Variants in TBXAS1 observed in about 807,000 individuals in gnomAD.
TBXAS1 encodes the protein thromboxane-A synthase.
A neutral mutation model predicts 60.7 loss-of-function variants in TBXAS1; 48 were observed. The ratio of observed to expected loss-of-function variants is 0.79; its 90% CI spans 0.63 to 1.01. TBXAS1 has a LOEUF of 1.01. TBXAS1 is among the 50% of genes least tolerant of loss of function. TBXAS1 has a pLI of 0.00. For synonymous variants in TBXAS1, 287 were observed against 269.7 expected (o/e 1.06, Z -0.63); for missense variants, 685 against 686.3 (o/e 1.00, Z 0.02).
chr7:139,977,472 T>C (rs1175519854), intron 9 of TBXAS1, among the ~76,000 whole-genome samples: 1 of 152,056 alleles, frequency 6.6e-6, no homozygotes, highest in Non-Finnish European at 1.5e-5. Flanking sequence ...AAGGGAATTG[T>C]GGGAGTTAAA....
chr7:139,799,071 ACTG>A (rs1415397155), intron 4 of TBXAS1, among the ~76,000 whole-genome samples: 3 of 120,978 alleles, frequency 2.5e-5, no homozygotes, highest in Non-Finnish European at 4.9e-5. Flanking sequence ...ACTTCCATAC[ACTG>A]CTTTTTTTTT....
At chr7:139,838,138 G>A (rs1799188515) in intron 1 of TBXAS1, among the ~76,000 whole-genome samples, 1 of 152,158 alleles carries the variant, frequency 6.6e-6, no homozygotes, top group South Asian at 2.1e-4. Flanking sequence ...GAATTCAGCA[G>A]TTTCTTTTAT....
At chr7:139,877,214 C>T (rs560734346) in intron 3 of TBXAS1, among the ~76,000 whole-genome samples, 33 of 152,248 alleles carry the variant, frequency 2.2e-4, no homozygotes, top group African/African-American at 3.6e-4. Context: ...GGAGGCAAGG[C>T]GTGTCTTTAA....
chr7:139,832,084 G>C (rs909452552), intron 1 of TBXAS1, among the ~76,000 whole-genome samples: 1 of 152,102 alleles, frequency 6.6e-6, no homozygotes, highest in Non-Finnish European at 1.5e-5. Flanking sequence ...GAATAAATCA[G>C]CAATTCTGAG....
At chr7:139,913,087 C>G (rs1446360341) in intron 4 of TBXAS1, 15 of 702,116 alleles carry the variant, frequency 2.1e-5, no homozygotes, top group Non-Finnish European at 3.9e-5. Flanking sequence ...ATGCCCAACT[C>G]CAGACATCAC....
At chr7:139,893,273 A>AT (rs1190615717) in intron 3 of TBXAS1, among the ~76,000 whole-genome samples, 2 of 149,304 alleles carry the variant, frequency 1.3e-5, no homozygotes, top group Non-Finnish European at 3.0e-5. Context: ...GGGAGAGATG[A>AT]TTTTGCCATG....
chr7:139,793,260 T>A (rs1004543362), intron 4 of TBXAS1, among the ~76,000 whole-genome samples: 6 of 151,754 alleles, frequency 4.0e-5, no homozygotes, highest in African/African-American at 1.5e-4. Flanking sequence ...CTACTAAAAG[T>A]ACAAAAAAAT....
chr7:139,801,705 A>G (rs1385453909), intron 4 of TBXAS1, among the ~76,000 whole-genome samples: 3 of 152,134 alleles, frequency 2.0e-5, no homozygotes, highest in Non-Finnish European at 4.4e-5. Flanking sequence ...TGATTGAATT[A>G]TCTTCCATTG....
chr7:139,900,365 G>A (rs1009003238), intron 3 of TBXAS1, among the ~76,000 whole-genome samples: 6 of 152,094 alleles, frequency 3.9e-5, no homozygotes, highest in Non-Finnish European at 2.9e-5. Flanking sequence ...GGATGAACCC[G>A]GATCCCACCT....
intron 5 of TBXAS1, among the ~76,000 whole-genome samples, chr7:139,950,514 C>T (rs1464693290): frequency 6.6e-6 from 1 of 152,168 alleles, no homozygotes; most frequent in Non-Finnish European, 1.5e-5. Context: ...TATCTCTCCA[C>T]TTGGGTGTGT....
chr7:139,989,995 C>A (rs965890105), intron 9 of TBXAS1, among the ~76,000 whole-genome samples: 2 of 152,210 alleles, frequency 1.3e-5, no homozygotes, highest in African/African-American at 4.8e-5. Context: ...ATGCAAAACA[C>A]CACAGGCCTG....
chr7:139,876,448 G>A (rs957219578), intron 3 of TBXAS1, among the ~76,000 whole-genome samples: 3 of 152,134 alleles, frequency 2.0e-5, no homozygotes, highest in Non-Finnish European at 2.9e-5. Flanking sequence ...GCCACTGAGC[G>A]ATTTTTTTGC....
intron 3 of TBXAS1, among the ~76,000 whole-genome samples, chr7:139,889,049 G>C (rs1448847423): frequency 6.6e-6 from 1 of 152,036 alleles, no homozygotes; most frequent in Non-Finnish European, 1.5e-5. Flanking sequence ...GTGTCCTGTA[G>C]TGGCCGGGTG....
intron 3 of TBXAS1, among the ~76,000 whole-genome samples, chr7:139,784,239 T>TCTTC (rs779302310): frequency 2.0e-4 from 29 of 147,320 alleles, no homozygotes; most frequent in African/African-American, 2.7e-4. Flanking sequence ...TCTCTCTCTC[T>TCTTC]CTTCCTTCCT....
intron 4 of TBXAS1, among the ~76,000 whole-genome samples, chr7:139,787,971 T>TC (rs1797252653): frequency 6.6e-6 from 1 of 152,248 alleles, no homozygotes; most frequent in African/African-American, 2.4e-5. Flanking sequence ...AATGTGTGTT[T>TC]CTTTATTGAT....
chr7:139,974,960 G>T (rs1032610965), intron 9 of TBXAS1, among the ~76,000 whole-genome samples: 4 of 152,232 alleles, frequency 2.6e-5, no homozygotes, highest in Non-Finnish European at 4.4e-5. Context: ...TAATAGGACA[G>T]AGACAGAAAG....
chr7:140,017,824 T>C lies in TBXAS1; in HGVS notation c.1518T>C (p.Pro506=). ...ACAAGTTCCGGTTCCAAGCCTGCCC[T>C]GAGACCCAGGTGAGGCCCCCCTGCT... is the stretch of plus-strand genomic sequence containing the variant. ...VLHKFRFQAC[P]ETQVPLQLES... Residue 506 remains proline (P), a synonymous_variant, in exon 12 of 13, where the codon CCT becomes CCC. Coordinates refer to ENST00000448866, the MANE Select transcript of TBXAS1 (RefSeq NM_001061.7). 6.2e-7 allele frequency: 1 copy of C among 1,613,944 alleles called. No homozygotes were observed. Among genetic ancestry groups the C allele is most frequent in the South Asian group, 1.1e-5 (1 of 91,078 alleles).
At chr7:139,985,783 G>A (rs948340641) in intron 9 of TBXAS1, among the ~76,000 whole-genome samples, 1 of 152,198 alleles carries the variant, frequency 6.6e-6, no homozygotes, top group Non-Finnish European at 1.5e-5. Context: ...GTCCAGCACG[G>A]AACTGGAGCA....
chr7:139,894,191 C>T lies in TBXAS1; in HGVS notation c.237-17034C>T, dbSNP rs572456666. On this transcript the variant is annotated intron_variant, in intron 3 of 12. Transcript: ENST00000448866. Reference sequence around the variant, plus strand: ...GCAGCAGGAGGCCTCCTGGGACTACCGTGCCACCACCCACGCACCACACCA... The same window carrying T: ...GCAGCAGGAGGCCTCCTGGGACTACTGTGCCACCACCCACGCACCACACCA... 5.9e-5 allele frequency among the ~76,000 whole-genome samples: 9 copies of T among 152,278 alleles called. No homozygotes were observed. In the East Asian group the frequency reaches 9.7e-4, roughly 16 times the overall value.
Sources: gnomAD v4.1 joint callset for allele counts (sites outside exome capture counted in the v4.1 genomes callset) on GRCh38, gnomAD v4.1.1 for gene constraint, MANE v1.5 for transcripts, NCBI Gene and HGNC (gene_info 2026-07-23, HGNC 2026-07-21) for gene names.